BAALC: variants seen among roughly 807,000 people sequenced by gnomAD.
The protein encoded by BAALC is BAALC binder of MAP3K1 and KLF4.
A neutral mutation model predicts 15.5 loss-of-function variants in BAALC; 9 were observed. The ratio of observed to expected loss-of-function variants is 0.58; its 90% CI spans 0.35 to 1.02. The LOEUF (loss-of-function observed/expected upper bound fraction) is 1.02, where lower values mean the gene tolerates loss of function less well. Among genes scored for constraint, BAALC ranks in the 50% least tolerant of loss-of-function variants. The probability of loss-of-function intolerance (pLI) is 0.02; values close to 1 mark genes in which losing one functional copy is unlikely to be tolerated. For synonymous variants in BAALC, 80 were observed against 74.6 expected (o/e 1.07, Z -0.37); for missense variants, 201 against 192.4 (o/e 1.04, Z -0.27).
chr8:103,205,850 A>G lies in BAALC; in HGVS notation c.161-7069A>G, dbSNP rs934486231. On this transcript the variant is annotated intron_variant, in intron 1 of 2. Transcript: ENST00000309982. ...GTTAAACTTCAATTTCTTCTTCTGT[A>G]AAATAAGGGTAATTCTCCTGTCTCC... is the stretch of plus-strand genomic sequence containing the variant. Among the ~76,000 whole-genome samples the G allele has an allele frequency of 1.2e-4, 18 of 152,192 alleles. 1 individual carries two copies. In the East Asian group the frequency reaches 3.5e-3, roughly 29 times the overall value.
chr8:103,151,480 C>A (rs1303154111), intron 1 of BAALC, among the ~76,000 whole-genome samples: 1 of 152,184 alleles, frequency 6.6e-6, no homozygotes, highest in Non-Finnish European at 1.5e-5. Flanking sequence ...TGCATTCTAG[C>A]AGCCAGGATC....
chr8:103,216,973 TG>T (rs1812571199), intron 2 of BAALC, among the ~76,000 whole-genome samples: 1 of 152,112 alleles, frequency 6.6e-6, no homozygotes, highest in South Asian at 2.1e-4. Flanking sequence ...CCACACACTT[TG>T]GGAGCTCATG....
At chr8:103,176,285 T>A (rs1811604699) in intron 1 of BAALC, among the ~76,000 whole-genome samples, 1 of 152,174 alleles carries the variant, frequency 6.6e-6, no homozygotes, top group Admixed American at 6.5e-5. Context: ...TTAAATTAAT[T>A]CAGCAAGTAT....
At chr8:103,161,167 C>T (rs968094010) in intron 1 of BAALC, among the ~76,000 whole-genome samples, 5 of 152,140 alleles carry the variant, frequency 3.3e-5, no homozygotes, top group African/African-American at 4.8e-5. Flanking sequence ...GTTCTAAAGA[C>T]AAATCTATAA....
intron 1 of BAALC, among the ~76,000 whole-genome samples, chr8:103,160,984 C>T (rs916834292): frequency 1.3e-5 from 2 of 152,176 alleles, no homozygotes; most frequent in Non-Finnish European, 2.9e-5. Context: ...CAATACTTTG[C>T]ATCCTTCAAT....
At chr8:103,223,280 C>A (rs1316402664) in intron 2 of BAALC, among the ~76,000 whole-genome samples, 1 of 152,164 alleles carries the variant, frequency 6.6e-6, no homozygotes, top group East Asian at 1.9e-4. Flanking sequence ...TGCACTCCAG[C>A]CTTGTGACAG....
chr8:103,155,609 C>T (rs757700114), intron 1 of BAALC, among the ~76,000 whole-genome samples: 2 of 152,234 alleles, frequency 1.3e-5, no homozygotes, highest in Non-Finnish European at 2.9e-5. Flanking sequence ...GATCCTTTAG[C>T]GGCTAACTCT....
intron 1 of BAALC, 132 bp from the exon 2 acceptor site, chr8:103,212,787 G>C (rs1053499599): frequency 1.2e-6 from 1 of 846,228 alleles, no homozygotes; most frequent in African/African-American, 1.7e-5. Flanking sequence ...GAAAAGGGTA[G>C]CTCTGCATGG....
At position 103,224,081 on chromosome 8, in the gene BAALC, G is replaced by A. The variant is rs140938058; in HGVS notation, c.328-3908G>A. Among the ~76,000 whole-genome samples the A allele has an allele frequency of 1.4e-4, 21 of 151,276 alleles. No homozygotes were observed. The East Asian group carries it at 3.1e-3, about 22-fold the overall frequency. On this transcript the variant is annotated intron_variant, in intron 2 of 2. Coordinates refer to ENST00000309982, the MANE Select transcript of BAALC (RefSeq NM_024812.3). ...TCTTTTCCTTCACAACGCTTTGTGC[G>A]TGTGTGCATATGTGCATGTGCTTCT...
chr8:103,200,156 T>C (rs1258334201), intron 1 of BAALC, among the ~76,000 whole-genome samples: 4 of 152,146 alleles, frequency 2.6e-5, no homozygotes, highest in Non-Finnish European at 1.5e-5. Context: ...TGAGATACCA[T>C]CTAACACCAG....
At chr8:103,181,438 A>AT in intron 1 of BAALC, among the ~76,000 whole-genome samples, 1 of 151,404 alleles carries the variant, frequency 6.6e-6, no homozygotes, top group South Asian at 2.1e-4. Flanking sequence ...CGCCTGGCTA[A>AT]TTTTTTGTAT....
chr8:103,158,781 T>G (rs1482256291), intron 1 of BAALC, among the ~76,000 whole-genome samples: 1 of 152,186 alleles, frequency 6.6e-6, no homozygotes, highest in Non-Finnish European at 1.5e-5. Flanking sequence ...GCACACAATT[T>G]AAAACTTAAG....
At chr8:103,193,750 A>G (rs1196121190) in intron 1 of BAALC, among the ~76,000 whole-genome samples, 1 of 152,210 alleles carries the variant, frequency 6.6e-6, no homozygotes, top group Non-Finnish European at 1.5e-5. Flanking sequence ...CACATGGTCA[A>G]TATTATTATT....
rs543721454 is a variant in BAALC at position 103,218,224 on chromosome 8, T to C, written c.327+5139T>C. Among the ~76,000 whole-genome samples, 6 of 152,240 alleles carry C rather than the reference T, an allele frequency of 3.9e-5. No homozygotes were observed. The South Asian group carries it at 6.2e-4, about 16-fold the overall frequency. ...CCCTCCAATCCCCCCGCCTTATGCC[T>C]GGTGTTAATAGGTGTTAACTGGCAA... On this transcript the variant is annotated intron_variant, in intron 2 of 2. Coordinates refer to ENST00000309982, the MANE Select transcript of BAALC (RefSeq NM_024812.3).
At chr8:103,181,297 G>A (rs1811721814) in intron 1 of BAALC, among the ~76,000 whole-genome samples, 1 of 152,138 alleles carries the variant, frequency 6.6e-6, no homozygotes, top group Admixed American at 6.5e-5. Flanking sequence ...TTTTGAGACA[G>A]AGTCTCGCTC....
intron 1 of BAALC, among the ~76,000 whole-genome samples, chr8:103,192,343 C>T (rs1811990379): frequency 6.6e-6 from 1 of 152,208 alleles, no homozygotes; most frequent in Non-Finnish European, 1.5e-5. Context: ...TGAGCCACCG[C>T]ACCCGGCCAA....
At chr8:103,174,048 C>T (rs1811554322) in intron 1 of BAALC, among the ~76,000 whole-genome samples, 1 of 152,194 alleles carries the variant, frequency 6.6e-6, no homozygotes, top group South Asian at 2.1e-4. Flanking sequence ...TGGAGGCCTT[C>T]ACCCATAGAC....
At chr8:103,225,779 A>C (rs961103582) in intron 2 of BAALC, among the ~76,000 whole-genome samples, 8 of 152,028 alleles carry the variant, frequency 5.3e-5, no homozygotes, top group African/African-American at 1.9e-4. Flanking sequence ...GGCAATTCTC[A>C]AAAGAAGGGT....
At chr8:103,212,853 T>G (rs1812478118) in intron 1 of BAALC, 66 bp from the exon 2 acceptor site, 1 of 1,497,172 alleles carries the variant, frequency 6.7e-7, no homozygotes, top group East Asian at 2.3e-5. Context: ...CTCCACCATT[T>G]TGGGATTGTT....
Sources: gnomAD v4.1 joint callset for allele counts (sites outside exome capture counted in the v4.1 genomes callset) on GRCh38, gnomAD v4.1.1 for gene constraint, MANE v1.5 for transcripts, NCBI Gene and HGNC (gene_info 2026-07-23, HGNC 2026-07-21) for gene names.